AGL: variants seen among roughly 807,000 people sequenced by gnomAD.
The protein encoded by AGL is glycogen debranching enzyme.
AGL carries 128 observed loss-of-function variants against 199.3 expected under a neutral mutation model. The observed-to-expected ratio is 0.64, with a 90% CI of 0.56 to 0.74. AGL has a LOEUF of 0.74. Among genes scored for constraint, AGL ranks in the 30% least tolerant of loss-of-function variants. The pLI, the probability that AGL is intolerant of heterozygous loss-of-function variation, is 0.00. For synonymous variants in AGL, 584 were observed against 594.7 expected, an observed-to-expected ratio of 0.98 and a Z score of 0.26; for missense variants, 1,809 against 1,820.8, an observed-to-expected ratio of 0.99 and a Z score of 0.12.
rs768617025 is a variant in AGL, at chr1:99,881,364, G to A, written c.2074G>A (p.Val692Ile). The change falls in exon 16 of 34, where the codon GTT becomes ATT. Residue 692 changes from valine to isoleucine, a missense_variant. Physicochemically the swap from Val to Ile is conservative, Grantham distance 29. Transcript: ENST00000361915. ...AGCATTGCCTTCAAACACAGGTGAA[G>A]TTAATTTCCAAAGCGGCATTATTGC... is the stretch of plus-strand genomic sequence containing the variant. Reference protein sequence around the residue: ...PEALPSNTGEVNFQSGIIAAR... With the variant: ...PEALPSNTGEINFQSGIIAAR... 1.2e-6 allele frequency: 2 copies of A among 1,614,014 alleles called. No individual in the cohort carries two copies. Among genetic ancestry groups the A allele is most frequent in the East Asian group, 4.5e-5 (2 of 44,892 alleles).
chr1:99,875,850 A>C (rs1651480156), intron 10 of AGL, among the ~76,000 whole-genome samples: 1 of 152,154 alleles, frequency 6.6e-6, no homozygotes, highest in Non-Finnish European at 1.5e-5. Context: ...TATCTTTGCA[A>C]AGTAACATCA....
chr1:99,873,173 A>G (rs908865997), intron 7 of AGL, among the ~76,000 whole-genome samples: 7 of 151,974 alleles, frequency 4.6e-5, no homozygotes, highest in African/African-American at 1.7e-4. Flanking sequence ...TATACCTGAA[A>G]TTTATTTTTG....
chr1:99,856,717 CCT>C (rs1211019130), intron 2 of AGL, among the ~76,000 whole-genome samples: 1 of 152,062 alleles, frequency 6.6e-6, no homozygotes, highest in Non-Finnish European at 1.5e-5. Flanking sequence ...TCCATTTAAC[CCT>C]GAGTGAACAC....
At chr1:99,858,949 G>T (rs1649801842) in intron 2 of AGL, among the ~76,000 whole-genome samples, 1 of 152,058 alleles carries the variant, frequency 6.6e-6, no homozygotes, top group South Asian at 2.1e-4. Flanking sequence ...CTTAGCTTGG[G>T]AATTATTGGG....
rs201222919 is a variant in AGL, at chr1:99,892,636, T to C, written c.3259+29T>C. The C allele has an allele frequency of 8.7e-4, 1,391 of 1,602,372 alleles. 4 individuals carry two copies. Among genetic ancestry groups the C allele is most frequent in the Middle Eastern group, 1.7e-3 (10 of 6,032 alleles). On this transcript the variant is annotated intron_variant, in intron 24 of 33. Coordinates refer to ENST00000361915, the MANE Select transcript of AGL (RefSeq NM_000642.3). Reference sequence around the variant, plus strand: ...AGGAATTATGTACAAGGTTAAAATATGTAAATCGATAGTATTCGCGGAAGA... The same window carrying C: ...AGGAATTATGTACAAGGTTAAAATACGTAAATCGATAGTATTCGCGGAAGA...
chr1:99,861,100 C>T (rs1329498176), intron 2 of AGL: 26 of 823,548 alleles, frequency 3.2e-5, no homozygotes, highest in Non-Finnish European at 6.1e-6. Context: ...CATAGAGAAA[C>T]TAGCTTTCTC....
At chr1:99,906,116 A>G (rs78972440) in intron 27 of AGL, among the ~76,000 whole-genome samples, 1,586 of 152,170 alleles carry the variant, frequency 0.01, 30 homozygotes, top group African/African-American at 0.037. Context: ...CATCATTCCT[A>G]ATTGAAGCAG....
chr1:99,918,824 C>T (rs1291150679), intron 33 of AGL, among the ~76,000 whole-genome samples: 3 of 152,088 alleles, frequency 2.0e-5, no homozygotes, highest in Non-Finnish European at 2.9e-5. Flanking sequence ...AATAATTATT[C>T]TCCATTAGTG....
At position 99,902,737 on chromosome 1, in the gene AGL, A is replaced by G. The variant is rs747743843; in HGVS notation, c.3643A>G (p.Ile1215Val). Residue 1215 changes from isoleucine to valine, a missense_variant, in exon 27 of 34, where the codon ATA (isoleucine) becomes GTA (valine). Transcript: ENST00000361915. Reference sequence around the variant, plus strand: ...AGCAATGCAAAAACACATGCAGGGCATACAGTTCCGAGAAAGGAATGCTGG... The same window carrying G: ...AGCAATGCAAAAACACATGCAGGGCGTACAGTTCCGAGAAAGGAATGCTGG... ...QEAMQKHMQG[I>V]QFRERNAGPQ... is the part of the protein sequence containing the mutation. 9.9e-6 allele frequency: 16 copies of G among 1,613,548 alleles called. No homozygotes were observed. In the South Asian group the frequency reaches 1.4e-4, roughly 14 times the overall value.
chr1:99,882,247 A>G (rs1243320395), intron 17 of AGL, among the ~76,000 whole-genome samples: 4 of 152,118 alleles, frequency 2.6e-5, no homozygotes, highest in Non-Finnish European at 5.9e-5. Flanking sequence ...GAGTTGTGAA[A>G]TATTTTTGTT....
At chr1:99,876,396 A>G in intron 10 of AGL, 62 bp from the exon 11 acceptor site, 1 of 1,283,004 alleles carries the variant, frequency 7.8e-7, no homozygotes, top group Non-Finnish European at 1.1e-6. Flanking sequence ...TAATATTGCA[A>G]ATTTATATTC....
At chr1:99,889,014 C>T (rs953496493) in intron 21 of AGL, among the ~76,000 whole-genome samples, 1 of 152,064 alleles carries the variant, frequency 6.6e-6, no homozygotes, top group Non-Finnish European at 1.5e-5. Context: ...GATTAAGAAA[C>T]AGGCTTTAAA....
intron 25 of AGL, among the ~76,000 whole-genome samples, chr1:99,899,986 C>T (rs1383850643): frequency 6.6e-6 from 1 of 151,276 alleles, no homozygotes; most frequent in Non-Finnish European, 1.5e-5. Context: ...CTGGAGTACA[C>T]TGGCACAATC....
intron 12 of AGL, among the ~76,000 whole-genome samples, chr1:99,878,782 G>A (rs1368893820): frequency 6.6e-6 from 1 of 151,874 alleles, no homozygotes; most frequent in Non-Finnish European, 1.5e-5. Flanking sequence ...TGATTTGGAG[G>A]GATTTAGTGA....
intron 20 of AGL, among the ~76,000 whole-genome samples, chr1:99,885,371 A>G (rs1018669627): frequency 5.9e-5 from 9 of 152,184 alleles, no homozygotes; most frequent in African/African-American, 2.2e-4. Context: ...ACTTAATACA[A>G]TGCCTGGCAC....
Position 99,851,033 on chromosome 1 carries a change from A to G in AGL, c.-10A>G, listed in dbSNP as rs2307130. Reference sequence around the variant, plus strand: ...TCTTATGAAAGATTTCAAATCCTCTAGAAGCCAAAATGGGACACAGTAAAC... The same window carrying G: ...TCTTATGAAAGATTTCAAATCCTCTGGAAGCCAAAATGGGACACAGTAAAC... On this transcript the variant is annotated 5_prime_UTR_variant, in exon 2 of 34. Transcript: ENST00000361915. 0.48 allele frequency: 779,176 copies of G among 1,610,628 alleles called. 191,964 individuals are homozygous for G. Among genetic ancestry groups the G allele is most frequent in the East Asian group, 0.55 (24,425 of 44,798 alleles).
rs1216156102 is a variant in AGL, at chr1:99,874,752, A to G, written c.1024A>G (p.Arg342Gly). The G allele has an allele frequency of 6.2e-7, 1 of 1,602,452 alleles. No homozygotes were observed. The highest frequency in any genetic ancestry group is 8.5e-7 in the Non-Finnish European group (1 of 1,173,052). The change falls in exon 8 of 34, where the codon AGA becomes GGA. Residue 342 changes from arginine to glycine, a missense_variant. By Grantham distance (125) the Arg-to-Gly change is moderately radical. Transcript: ENST00000361915. ...TACGATTATTCAAGATCCTGAATAC[A>G]GACGGTTTGGCTGTACTGTAGATAT... ...HLTIIQDPEYRRFGCTVDMNI... is the reference protein window; with the variant it reads ...HLTIIQDPEYGRFGCTVDMNI...
intron 26 of AGL, 86 bp downstream of exon 26, chr1:99,900,947 A>T: frequency 2.5e-6 from 3 of 1,192,688 alleles, no homozygotes. Flanking sequence ...AATAAGGGTA[A>T]TTAAGAATCC....
Position 99,900,890 on chromosome 1 carries a change from G to T in AGL, c.3588+29G>T, listed in dbSNP as rs201885902. ...AAGATATTTCTTAAAATGTTTTTTT[G>T]TTTTTTTTTTTTTTTCTGAAAAATG... is the stretch of plus-strand genomic sequence containing the variant. On this transcript the variant is annotated intron_variant, in intron 26 of 33. Coordinates refer to ENST00000361915, the MANE Select transcript of AGL (RefSeq NM_000642.3). 3.5e-3 allele frequency: 4,534 copies of T among 1,306,192 alleles called. 2 individuals are homozygous for T. Among genetic ancestry groups the T allele is most frequent in the Admixed American group, 0.013 (622 of 49,282 alleles). The allele number at this position is 1,306,192 out of a possible 1,614,324, so 80.9% of individuals were successfully genotyped here.
Sources: allele counts gnomAD v4.1 joint callset (sites outside exome capture counted in the v4.1 genomes callset), GRCh38; gene constraint gnomAD v4.1.1; transcripts MANE v1.5; gene names NCBI Gene and HGNC (gene_info 2026-07-23, HGNC 2026-07-21).